Variants in GGT1 observed in about 807,000 individuals in gnomAD.
The protein encoded by GGT1 is gamma-glutamyltransferase 1.
In GGT1, 21 loss-of-function variants were observed where a neutral mutation model predicts 56.0. That is an observed-to-expected ratio of 0.38 (90% CI 0.27 to 0.54). The LOEUF (loss-of-function observed/expected upper bound fraction) is 0.54. Among genes scored for constraint, GGT1 ranks in the 20% least tolerant of loss-of-function variants. The pLI is 0.82. For missense variants in GGT1, 466 were observed against 787.0 expected, an observed-to-expected ratio of 0.59 and a Z score of 4.88; for synonymous variants, 238 against 342.6, an observed-to-expected ratio of 0.69 and a Z score of 3.37.
chr22:24,616,395 C>A lies in GGT1; in HGVS notation c.382+1268C>A, dbSNP rs866444222. ...TGCCACTGCACTCCAGTCTGGGCAA[C>A]AAGAATGAAGCTCCGTCTCAAAAAA... On this transcript the variant is annotated intron_variant, in intron 7 of 15. Transcript: ENST00000400382. 1.8e-3 allele frequency among the ~76,000 whole-genome samples: 266 copies of A among 148,244 alleles called. 5 individuals are homozygous for A. The highest frequency in any genetic ancestry group is 2.2e-3 in the Non-Finnish European group (146 of 67,256).
chr22:24,618,815 C>A (rs4049870), intron 7 of GGT1, among the ~76,000 whole-genome samples: 4,873 of 152,184 alleles, frequency 0.032, 273 homozygotes, highest in African/African-American at 0.11. Context: ...TCATCTCTCG[C>A]AAGAGCAGGA....
chr22:24,584,214 G>A, the GGT1 span, among the ~76,000 whole-genome samples: 1 of 152,140 alleles, frequency 6.6e-6, no homozygotes, highest in Non-Finnish European at 1.5e-5. Flanking sequence ...AGGAGAGCTG[G>A]GAGGGAGCTG....
chr22:24,589,610 G>T, the GGT1 span: 1 of 604,918 alleles, frequency 1.7e-6, no homozygotes, highest in Non-Finnish European at 2.7e-6. Flanking sequence ...GGACTCTGAG[G>T]GTCCTGCAAA....
At chr22:24,606,276 A>G (rs909180853) in intron 1 of GGT1, among the ~76,000 whole-genome samples, 2 of 150,812 alleles carry the variant, frequency 1.3e-5, no homozygotes, top group African/African-American at 4.9e-5. Context: ...TCCTAATGCT[A>G]TCCCTCCCCG....
the GGT1 span, among the ~76,000 whole-genome samples, chr22:24,587,187 G>A: frequency 2.6e-5 from 4 of 152,148 alleles, no homozygotes; most frequent in African/African-American, 4.8e-5. Context: ...ACAAAGGGAC[G>A]GCTATTAGGC....
At chr22:24,611,027 G>C in intron 4 of GGT1, 48 bp from the exon 5 acceptor site, 2 of 1,554,012 alleles carry the variant, frequency 1.3e-6, no homozygotes, top group South Asian at 2.4e-5. Context: ...AGGGGCCAGG[G>C]AATGTCTGAG....
chr22:24,599,495 G>A (rs574655111), upstream of GGT1: 5 of 152,656 alleles, frequency 3.3e-5, no homozygotes, highest in African/African-American at 1.2e-4. Flanking sequence ...GCTGCAGTAG[G>A]GAAACAGCAG....
chr22:24,623,277 C>T (rs1229078680), intron 10 of GGT1, 21 bp downstream of exon 10: 26 of 1,519,340 alleles, frequency 1.7e-5, no homozygotes, highest in Middle Eastern at 2.3e-4. Context: ...GCACCACAGC[C>T]GTGTGGTAGG....
upstream of GGT1, chr22:24,592,156 G>C (rs2045588338): frequency 2.5e-5 from 10 of 393,084 alleles, 1 homozygote; most frequent in South Asian, 1.8e-4. Flanking sequence ...GGCATGCCCA[G>C]GTGATTGGGG....
chr22:24,592,961 GCGCGGGCCCGC>G (rs1271778982), upstream of GGT1: 1 of 1,191,410 alleles, frequency 8.4e-7, no homozygotes, highest in African/African-American at 1.6e-5. Flanking sequence ...CGCTCGTAGG[GCGCGGGCCCGC>G]AGCCGGCCGC....
At chr22:24,594,670 TCTC>T (rs2045661953), upstream of GGT1, 1 of 152,280 alleles carries the variant, frequency 6.6e-6, no homozygotes. Flanking sequence ...CCCAACAGCC[TCTC>T]CTCCCACTCC....
upstream of GGT1, among the ~76,000 whole-genome samples, chr22:24,594,551 A>G (rs1601605343): frequency 6.6e-6 from 1 of 151,942 alleles, no homozygotes; most frequent in East Asian, 1.9e-4. Flanking sequence ...GGCCCCTGAG[A>G]CAAGGCAGAG....
At chr22:24,588,869 G>GCT in the GGT1 span, 1 of 1,007,454 alleles carries the variant, frequency 9.9e-7, no homozygotes, top group Non-Finnish European at 1.2e-6. Flanking sequence ...CCACCACCTG[G>GCT]CTCTCTCTCA....
intron 5 of GGT1, among the ~76,000 whole-genome samples, chr22:24,611,632 G>A (rs887620270): frequency 1.3e-5 from 2 of 151,022 alleles, no homozygotes; most frequent in Non-Finnish European, 2.9e-5. Context: ...TAGAGATGGA[G>A]TTTTGCTCTG....
chr22:24,602,087 C>T (rs1292849900), upstream of GGT1, among the ~76,000 whole-genome samples: 1 of 152,026 alleles, frequency 6.6e-6, no homozygotes, highest in African/African-American at 2.4e-5. Context: ...TTAGCTCGGC[C>T]ACCTCCTTTT....
chr22:24,593,836 G>T (rs1463735876), upstream of GGT1, among the ~76,000 whole-genome samples: 2 of 152,072 alleles, frequency 1.3e-5, no homozygotes, highest in Non-Finnish European at 2.9e-5. Context: ...GGCAGTTGTG[G>T]TGTAGGACCT....
At chr22:24,600,399 C>T (rs2147198484), upstream of GGT1, among the ~76,000 whole-genome samples, 1 of 152,338 alleles carries the variant, frequency 6.6e-6, no homozygotes, top group South Asian at 2.1e-4. Context: ...ACTCTAGGGC[C>T]CATGCCTCTG....
the GGT1 span, chr22:24,586,012 G>T: frequency 6.2e-7 from 1 of 1,611,042 alleles, no homozygotes; most frequent in Non-Finnish European, 8.5e-7. Flanking sequence ...CGTAGATGGT[G>T]GGGAGTGAGG....
At chr22:24,585,847 C>T in the GGT1 span, 15 of 1,509,138 alleles carry the variant, frequency 9.9e-6, no homozygotes, top group Non-Finnish European at 1.3e-5. Context: ...TGCTTGAGAG[C>T]ATCACAAGTC....
Sources: allele counts gnomAD v4.1 joint callset (sites outside exome capture counted in the v4.1 genomes callset), GRCh38; gene constraint gnomAD v4.1.1; transcripts MANE v1.5; gene names NCBI Gene and HGNC (gene_info 2026-07-23, HGNC 2026-07-21).